Variants in ZCWPW2 observed in about 807,000 individuals in gnomAD.
ZCWPW2 encodes zinc finger CW-type PWWP domain protein 2.
In ZCWPW2, 45 loss-of-function variants were observed where a neutral mutation model predicts 46.6. That is an observed-to-expected ratio of 0.96 (90% CI 0.76 to 1.24). The LOEUF is 1.24. Ranked by LOEUF, ZCWPW2 falls within the 50% of genes most tolerant of loss-of-function variation. ZCWPW2 has a pLI of 0.00. For missense variants in ZCWPW2, 429 were observed against 403.9 expected (o/e 1.06, Z -0.53); for synonymous variants, 152 against 137.1 (o/e 1.11, Z -0.76).
chr3:28,477,447 G>A (rs1454232390), intron 4 of ZCWPW2, among the ~76,000 whole-genome samples: 1 of 152,140 alleles, frequency 6.6e-6, no homozygotes, highest in Admixed American at 6.5e-5. Context: ...TGGGTACTGT[G>A]GAGGATGCAA....
At chr3:28,522,483 G>T (rs1700749440) in intron 9 of ZCWPW2, among the ~76,000 whole-genome samples, 1 of 152,086 alleles carries the variant, frequency 6.6e-6, no homozygotes, top group Admixed American at 6.6e-5. Context: ...TTTATAAATG[G>T]ACAAAGGGGT....
intron 1 of ZCWPW2, among the ~76,000 whole-genome samples, chr3:28,388,178 A>T (rs1195791323): frequency 6.6e-6 from 1 of 152,148 alleles, no homozygotes; most frequent in African/African-American, 2.4e-5. Context: ...TACATTGTGG[A>T]AGACAACCTG....
intron 7 of ZCWPW2, among the ~76,000 whole-genome samples, chr3:28,514,391 A>T (rs1209245964): frequency 6.6e-6 from 1 of 152,182 alleles, no homozygotes; most frequent in Non-Finnish European, 1.5e-5. Flanking sequence ...TTGTACACAC[A>T]TATATAACCT....
At chr3:28,369,999 G>T (rs139474588) in intron 1 of ZCWPW2, among the ~76,000 whole-genome samples, 4 of 152,192 alleles carry the variant, frequency 2.6e-5, no homozygotes, top group Admixed American at 6.5e-5. Context: ...TGCTAATACC[G>T]TTGGAAAAGT....
intron 1 of ZCWPW2, among the ~76,000 whole-genome samples, chr3:28,374,490 A>C (rs1443225767): frequency 6.6e-6 from 1 of 152,068 alleles, no homozygotes; most frequent in African/African-American, 2.4e-5. Flanking sequence ...TGTTAGGTTT[A>C]CTTTTTCTAT....
intron 6 of ZCWPW2, among the ~76,000 whole-genome samples, chr3:28,510,603 A>G (rs1176749896): frequency 2.6e-5 from 4 of 152,026 alleles, no homozygotes; most frequent in African/African-American, 7.2e-5. Flanking sequence ...GCAAAGTTCT[A>G]TCTTTTTAGC....
intron 3 of ZCWPW2, among the ~76,000 whole-genome samples, chr3:28,424,112 A>T (rs1696907190): frequency 6.6e-6 from 1 of 152,002 alleles, no homozygotes; most frequent in Non-Finnish European, 1.5e-5. Context: ...TTTCAACCTA[A>T]CATTCTTAAA....
At chr3:28,358,090 A>C (rs1283786987) in intron 1 of ZCWPW2, among the ~76,000 whole-genome samples, 2 of 152,004 alleles carry the variant, frequency 1.3e-5, no homozygotes, top group African/African-American at 4.8e-5. Context: ...CTCATCCCAC[A>C]GTCAAATCTG....
chr3:28,439,163 A>G (rs1295655068), intron 4 of ZCWPW2, among the ~76,000 whole-genome samples: 1 of 147,498 alleles, frequency 6.8e-6, no homozygotes, highest in African/African-American at 2.5e-5. Context: ...ATATATATAT[A>G]CCTACATATA....
intron 4 of ZCWPW2, among the ~76,000 whole-genome samples, chr3:28,437,022 G>A (rs548534663): frequency 3.9e-5 from 6 of 152,064 alleles, no homozygotes; most frequent in Non-Finnish European, 7.4e-5. Context: ...TTCCACTTTG[G>A]AGCTCCTATA....
intron 6 of ZCWPW2, among the ~76,000 whole-genome samples, chr3:28,502,621 G>A (rs1041368067): frequency 6.6e-6 from 1 of 152,066 alleles, no homozygotes; most frequent in Non-Finnish European, 1.5e-5. Flanking sequence ...ATGTTGTAGT[G>A]CGAAGACCAC....
In ZCWPW2 at chr3:28,478,934, G is replaced by A. The variant is rs1461786654; in HGVS notation, c.610+3G>A. The stretch of plus-strand genomic sequence containing the variant: ...GTGCTGCCTATCAAAACTACAAGGT[G>A]TATAAATATTTTTTCTTTATTACTC... On this transcript the variant is annotated splice_donor_region_variant and intron_variant, in intron 5 of 9. Transcript: ENST00000383768. 2 of 1,530,078 alleles carry A rather than the reference G, an allele frequency of 1.3e-6. No homozygotes were observed. Among genetic ancestry groups the A allele is most frequent in the Non-Finnish European group, 8.8e-7 (1 of 1,134,024 alleles). The allele number at this position is 1,530,078 out of a possible 1,614,324, so 94.8% of individuals were successfully genotyped here.
chr3:28,515,015 T>C (rs1700525903), intron 7 of ZCWPW2, among the ~76,000 whole-genome samples: 1 of 152,198 alleles, frequency 6.6e-6, no homozygotes, highest in Non-Finnish European at 1.5e-5. Context: ...TTAGGAAGTA[T>C]ATTATAATCT....
chr3:28,484,693 T>C (rs1187057794), intron 5 of ZCWPW2, among the ~76,000 whole-genome samples: 1 of 151,114 alleles, frequency 6.6e-6, no homozygotes, highest in Non-Finnish European at 1.5e-5. Context: ...TTCCTTCCTG[T>C]CTCCCTCCCT....
chr3:28,431,915 G>A (rs1490548550), intron 3 of ZCWPW2, among the ~76,000 whole-genome samples: 1 of 152,142 alleles, frequency 6.6e-6, no homozygotes, highest in Non-Finnish European at 1.5e-5. Context: ...GAATCATGGT[G>A]GAAGGGGAAG....
chr3:28,349,837 C>T (rs1391428878), intron 1 of ZCWPW2, among the ~76,000 whole-genome samples: 1 of 152,222 alleles, frequency 6.6e-6, no homozygotes, highest in African/African-American at 2.4e-5. Flanking sequence ...CATCTGTCCG[C>T]TTAACTATCA....
intron 5 of ZCWPW2, among the ~76,000 whole-genome samples, chr3:28,489,802 T>G (rs1440893962): frequency 6.6e-6 from 1 of 152,016 alleles, no homozygotes; most frequent in Non-Finnish European, 1.5e-5. Flanking sequence ...ATTATATTAT[T>G]TAAATCTCAC....
chr3:28,486,611 C>T (rs1313455908), intron 5 of ZCWPW2, among the ~76,000 whole-genome samples: 1 of 152,092 alleles, frequency 6.6e-6, no homozygotes, highest in African/African-American at 2.4e-5. Context: ...CACTGTGGCT[C>T]AGGCCTGCAA....
intron 6 of ZCWPW2, among the ~76,000 whole-genome samples, chr3:28,513,650 C>G (rs1253671016): frequency 3.3e-5 from 5 of 152,122 alleles, no homozygotes. Flanking sequence ...TATCCTGGTA[C>G]AAATTTCTTT....
Sources: allele counts gnomAD v4.1 joint callset (sites outside exome capture counted in the v4.1 genomes callset), GRCh38; gene constraint gnomAD v4.1.1; transcripts MANE v1.5; gene names NCBI Gene and HGNC (gene_info 2026-07-23, HGNC 2026-07-21).